ABCC2: variants seen among roughly 807,000 people sequenced by gnomAD.
ABCC2 encodes the protein ATP binding cassette subfamily C member 2.
Under a neutral mutation model 173.4 loss-of-function variants are expected in ABCC2, and 157 were observed. That is an observed-to-expected ratio of 0.91 (90% CI 0.80 to 1.03). The LOEUF (loss-of-function observed/expected upper bound fraction) is 1.03. ABCC2 is among the 50% of genes least tolerant of loss of function. ABCC2 has a pLI of 0.00. For missense variants in ABCC2, 1,822 were observed against 1,852.3 expected (o/e 0.98, Z 0.30); for synonymous variants, 657 against 693.5 (o/e 0.95, Z 0.83).
chr10:99,836,609 A>G (rs1294740779), intron 25 of ABCC2, among the ~76,000 whole-genome samples: 1 of 152,204 alleles, frequency 6.6e-6, no homozygotes, highest in African/African-American at 2.4e-5. Context: ...GTCAAATGAC[A>G]TTTGTGAGCA....
chr10:99,783,772 A>G (rs563178109), intron 1 of ABCC2, among the ~76,000 whole-genome samples: 31 of 152,170 alleles, frequency 2.0e-4, no homozygotes, highest in Non-Finnish European at 3.8e-4. Flanking sequence ...CCAGGAGTGT[A>G]TACCACGGCA....
intron 2 of ABCC2, among the ~76,000 whole-genome samples, chr10:99,786,099 C>A: frequency 6.6e-6 from 1 of 152,018 alleles, no homozygotes; most frequent in East Asian, 1.9e-4. Context: ...TCAAACACTC[C>A]CACTGGAATA....
At chr10:99,808,587 A>T (rs1322728880) in intron 13 of ABCC2, among the ~76,000 whole-genome samples, 1 of 152,094 alleles carries the variant, frequency 6.6e-6, no homozygotes, top group African/African-American at 2.4e-5. Context: ...GCATTAGGCA[A>T]ATATGGCCCA....
rs1664436680 is a variant in ABCC2, at chr10:99,789,724, AAAG to A, written c.208-2507_208-2505del. Among the ~76,000 whole-genome samples, 3 of 148,606 alleles carry A rather than the reference AAAG, an allele frequency of 2.0e-5. No homozygotes were observed. The South Asian group carries it at 6.4e-4, about 32-fold the overall frequency. On this transcript the variant is annotated intron_variant, in intron 2 of 31. Transcript: ENST00000647814. ...AACTCCGTCTCAAAAAAAAAAAAAAAAAGAAAAAGGAAAAGAAAAAGAAAGAAA... is the reference window on the plus strand; with the variant it reads ...AACTCCGTCTCAAAAAAAAAAAAAAAAAAAAGGAAAAGAAAAAGAAAGAAA...
chr10:99,807,280 T>A (rs920107800), intron 11 of ABCC2, 104 bp from the exon 12 acceptor site: 1 of 1,420,254 alleles, frequency 7.0e-7, no homozygotes, highest in Non-Finnish European at 9.9e-7. Flanking sequence ...GGATTTCTAT[T>A]CCCCACATTT....
At chr10:99,840,386 C>T (rs1372570382) in intron 25 of ABCC2, among the ~76,000 whole-genome samples, 2 of 145,574 alleles carry the variant, frequency 1.4e-5, no homozygotes, top group South Asian at 2.1e-4. Context: ...CCACCAGCCG[C>T]GGCCACCATG....
In ABCC2 at chr10:99,831,785, A is replaced by AG. The variant is rs754987659; in HGVS notation, c.3061dup (p.Asp1021GlyfsTer53). 3 of 1,614,174 alleles carry AG rather than the reference A, an allele frequency of 1.9e-6. No individual in the cohort carries two copies. Among genetic ancestry groups the AG allele is most frequent in the African/African-American group, 2.7e-5 (2 of 75,042 alleles). On this transcript the variant is annotated frameshift_variant, in exon 22 of 32. Coordinates refer to ENST00000647814, the MANE Select transcript of ABCC2 (RefSeq NM_000392.5). LOFTEE classifies it high-confidence loss of function. ...TAGCACCGACTATCCAGCATCTCAG[A>AG]GGGACATGAGAGTTGGAGTCTACGG...
At chr10:99,844,113 C>T (rs543133382) in intron 27 of ABCC2, among the ~76,000 whole-genome samples, 1 of 152,264 alleles carries the variant, frequency 6.6e-6, no homozygotes, top group East Asian at 1.9e-4. Context: ...AGGAGATCTA[C>T]AGCACAAGCT....
At chr10:99,831,503 A>T (rs1342506184) in intron 21 of ABCC2, 108 bp from the exon 22 acceptor site, 1 of 1,095,276 alleles carries the variant, frequency 9.1e-7, no homozygotes, top group Non-Finnish European at 1.4e-6. Flanking sequence ...GCTACCTGCT[A>T]CCCATGCTCC....
intron 19 of ABCC2, among the ~76,000 whole-genome samples, chr10:99,823,393 T>G (rs913044348): frequency 9.2e-5 from 14 of 152,154 alleles, no homozygotes; most frequent in Admixed American, 3.3e-4. Context: ...AAATTTCTTT[T>G]TCTTACAGTT....
chr10:99,812,296 A>C (rs1312711603), intron 15 of ABCC2, among the ~76,000 whole-genome samples: 1 of 152,194 alleles, frequency 6.6e-6, no homozygotes, highest in Non-Finnish European at 1.5e-5. Flanking sequence ...CCCTTTCCAG[A>C]GAGGAAACTG....
intron 11 of ABCC2, among the ~76,000 whole-genome samples, chr10:99,806,686 A>C (rs1033693002): frequency 2.0e-5 from 3 of 152,182 alleles, no homozygotes; most frequent in African/African-American, 7.2e-5. Context: ...CCTAAAATGA[A>C]GTTTGTATGG....
rs138578110 is a variant in ABCC2 at position 99,851,890 on chromosome 10, G to A, written c.*259G>A. 2.7e-5 allele frequency: 10 copies of A among 367,200 alleles called. No homozygotes were observed. Among genetic ancestry groups the A allele is most frequent in the African/African-American group, 1.7e-4 (8 of 47,882 alleles). The allele number at this position is 367,200 out of a possible 1,614,324, so 22.7% of individuals were successfully genotyped here. A position where few individuals can be genotyped will look rare whatever the true frequency, so the allele number is the denominator to read the frequency against. ...GGACAACCACTGTCCTGAATTTCAC[G>A]ATAATTATTCCTTTGCCTTTCATTT... On this transcript the variant is annotated 3_prime_UTR_variant, in exon 32 of 32. Transcript: ENST00000647814.
In ABCC2 at chr10:99,808,418, A is replaced by T. The variant is rs2038151421; in HGVS notation, c.1815+189A>T. 2.0e-5 allele frequency among the ~76,000 whole-genome samples: 3 copies of T among 152,160 alleles called. No individual in the cohort carries two copies. The South Asian group carries it at 6.2e-4, about 32-fold the overall frequency. On this transcript the variant is annotated intron_variant, in intron 13 of 31. Transcript: ENST00000647814. ...AGTTTTCTGAGCCCCAGTTTATCTA[A>T]CTATAAAATGAGGATAATCATACCA...
intron 16 of ABCC2, 106 bp from the exon 17 acceptor site, chr10:99,817,202 T>TC: frequency 1.0e-6 from 1 of 1,004,310 alleles, no homozygotes; most frequent in Non-Finnish European, 1.5e-6. Flanking sequence ...GCACAGTTAT[T>TC]TAAATTTAAG....
intron 1 of ABCC2, among the ~76,000 whole-genome samples, chr10:99,783,673 T>C (rs150655180): frequency 2.3e-4 from 35 of 152,234 alleles, no homozygotes; most frequent in African/African-American, 7.9e-4. Flanking sequence ...TAACCTTATA[T>C]AGAGGTGAGA....
intron 30 of ABCC2, among the ~76,000 whole-genome samples, chr10:99,847,703 G>A (rs987723520): frequency 2.0e-5 from 3 of 151,958 alleles, no homozygotes; most frequent in Non-Finnish European, 4.4e-5. Flanking sequence ...GGTGGATCAC[G>A]AGGTCAGGAG....
chr10:99,836,743 T>C (rs1590186330), intron 25 of ABCC2, among the ~76,000 whole-genome samples: 1 of 152,082 alleles, frequency 6.6e-6, no homozygotes, highest in Admixed American at 6.6e-5. Context: ...GCAGTGGAGG[T>C]TGGAGAGAGG....
rs1267373107 is a variant in ABCC2 at position 99,805,363 on chromosome 10, T to G, written c.1465-19T>G. ...TCATGGAAGCGTATATTGTTTTTCT[T>G]TTGCTTTTTTCCTGGCAGGTCAAAA... is the stretch of plus-strand genomic sequence containing the variant. On this transcript the variant is annotated intron_variant, in intron 10 of 31. Coordinates refer to ENST00000647814, the MANE Select transcript of ABCC2 (RefSeq NM_000392.5). The G allele has an allele frequency of 6.2e-7, 1 of 1,610,884 alleles. No homozygotes were observed. Among genetic ancestry groups the G allele is most frequent in the African/African-American group, 1.3e-5 (1 of 74,940 alleles).
Sources: allele counts gnomAD v4.1 joint callset (sites outside exome capture counted in the v4.1 genomes callset), GRCh38; gene constraint gnomAD v4.1.1; transcripts MANE v1.5; gene names NCBI Gene and HGNC (gene_info 2026-07-23, HGNC 2026-07-21).